ZNF609: variants seen among roughly 807,000 people sequenced by gnomAD.
ZNF609 encodes zinc finger protein 609.
ZNF609 carries 11 observed loss-of-function variants against 109.5 expected under a neutral mutation model. The ratio of observed to expected loss-of-function variants is 0.10; its 90% CI spans 0.06 to 0.17. The LOEUF (loss-of-function observed/expected upper bound fraction) is 0.17. Among genes scored for constraint, ZNF609 ranks in the 10% least tolerant of loss-of-function variants. The pLI is 1.00. For synonymous variants in ZNF609, 646 were observed against 662.0 expected (o/e 0.98, Z 0.37); for missense variants, 1,559 against 1,772.4 (o/e 0.88, Z 2.16).
At chr15:64,554,098 C>T (rs1206330861) in intron 2 of ZNF609, among the ~76,000 whole-genome samples, 1 of 152,082 alleles carries the variant, frequency 6.6e-6, no homozygotes, top group Non-Finnish European at 1.5e-5. Context: ...CTCAATAGAA[C>T]CTCTATTACT....
At chr15:64,468,899 G>A (rs895747955) in intron 1 of ZNF609, among the ~76,000 whole-genome samples, 7 of 151,948 alleles carry the variant, frequency 4.6e-5, no homozygotes, top group Non-Finnish European at 7.4e-5. Context: ...GTTCCATTTA[G>A]CTGTAGAATA....
intron 3 of ZNF609, among the ~76,000 whole-genome samples, chr15:64,624,514 G>C (rs534857725): frequency 6.6e-6 from 1 of 151,928 alleles, no homozygotes; most frequent in African/African-American, 2.4e-5. Flanking sequence ...TTGCCTTTAT[G>C]ATGGTGACTC....
intron 2 of ZNF609, among the ~76,000 whole-genome samples, chr15:64,591,259 A>G (rs1895291437): frequency 6.6e-6 from 1 of 152,048 alleles, no homozygotes; most frequent in East Asian, 1.9e-4. Context: ...GAAACCCCGT[A>G]TCTACTAAAA....
intron 2 of ZNF609, among the ~76,000 whole-genome samples, chr15:64,562,006 A>G (rs577713895): frequency 2.9e-4 from 44 of 152,206 alleles, no homozygotes; most frequent in Non-Finnish European, 6.0e-4. Context: ...GATATATTTT[A>G]TAATGTACCA....
In ZNF609 at chr15:64,678,594, A is replaced by AT. The variant is rs765509367; in HGVS notation, c.3769+113dup. On this transcript the variant is annotated intron_variant, in intron 6 of 9. Coordinates refer to ENST00000326648, the MANE Select transcript of ZNF609 (RefSeq NM_015042.2). Reference sequence around the variant, plus strand: ...CCAAGGCATATTGAGGCTCGCTTAGATGACGGACCTTTTTTCACTGAGTCA... The same window carrying AT: ...CCAAGGCATATTGAGGCTCGCTTAGATTGACGGACCTTTTTTCACTGAGTCA... The AT allele has an allele frequency of 1.5e-4, 215 of 1,446,636 alleles. No individual in the cohort carries two copies. The Middle Eastern group carries it at 1.8e-3, about 12-fold the overall frequency. The allele number at this position is 1,446,636 out of a possible 1,614,324, so 89.6% of individuals were successfully genotyped here.
chr15:64,649,717 G>A (rs1330052230), intron 3 of ZNF609, among the ~76,000 whole-genome samples: 2 of 152,060 alleles, frequency 1.3e-5, no homozygotes, highest in Non-Finnish European at 2.9e-5. Flanking sequence ...TTTTTGCGGG[G>A]GAGGGGTTGC....
intron 2 of ZNF609, among the ~76,000 whole-genome samples, chr15:64,599,174 T>TG (rs1895452868): frequency 6.9e-6 from 1 of 145,692 alleles, no homozygotes; most frequent in African/African-American, 2.6e-5. Flanking sequence ...GGTGGTTTTT[T>TG]TTTTTTTTTT....
At chr15:64,500,329 A>G in intron 2 of ZNF609, 163 bp downstream of exon 2, 1 of 1,001,010 alleles carries the variant, frequency 1.0e-6, no homozygotes, top group South Asian at 1.4e-5. Context: ...TTTCTTCCAA[A>G]TTAGAGGATT....
intron 3 of ZNF609, among the ~76,000 whole-genome samples, chr15:64,645,083 TTCCCTCCC>T (rs1261279734): frequency 3.3e-5 from 2 of 60,016 alleles, no homozygotes; most frequent in South Asian, 1.0e-3. Context: ...CTTCCTTTCT[TTCCCTCCC>T]TCCCTCCCTC....
intron 2 of ZNF609, chr15:64,529,528 A>G: frequency 1.7e-6 from 2 of 1,170,506 alleles, no homozygotes; most frequent in Non-Finnish European, 1.3e-6. Context: ...AGAATCATAC[A>G]GGAACATGTA....
intron 1 of ZNF609, among the ~76,000 whole-genome samples, chr15:64,468,920 A>G (rs1893051710): frequency 6.6e-6 from 1 of 151,826 alleles, no homozygotes; most frequent in Non-Finnish European, 1.5e-5. Flanking sequence ...TCATGATACC[A>G]AGATTGAGAG....
chr15:64,559,961 C>G (rs1894650148), intron 2 of ZNF609, among the ~76,000 whole-genome samples: 1 of 152,092 alleles, frequency 6.6e-6, no homozygotes. Context: ...AAAATAGGAG[C>G]TTTTGTAGCT....
intron 2 of ZNF609, chr15:64,500,566 C>T (rs963823019): frequency 3.0e-5 from 18 of 604,346 alleles, no homozygotes; most frequent in Middle Eastern, 3.9e-4. Context: ...ATAAACAATA[C>T]GCCTTTGGTG....
intron 2 of ZNF609, among the ~76,000 whole-genome samples, chr15:64,546,191 A>T (rs1172102472): frequency 1.3e-5 from 2 of 152,114 alleles, no homozygotes; most frequent in East Asian, 3.8e-4. Flanking sequence ...TTTCTTTTCA[A>T]GTGGCTATAC....
chr15:64,549,252 G>A (rs949441975), intron 2 of ZNF609, among the ~76,000 whole-genome samples: 2 of 152,026 alleles, frequency 1.3e-5, no homozygotes, highest in African/African-American at 2.4e-5. Context: ...GTGCAATGGC[G>A]CAATCTTGGC....
chr15:64,465,835 G>T (rs1246134325), intron 1 of ZNF609, among the ~76,000 whole-genome samples: 1 of 151,916 alleles, frequency 6.6e-6, no homozygotes, highest in East Asian at 1.9e-4. Context: ...ACGGATATAG[G>T]CCGGGCGCAG....
intron 3 of ZNF609, among the ~76,000 whole-genome samples, chr15:64,662,728 C>T (rs1896597470): frequency 6.6e-6 from 1 of 152,016 alleles, no homozygotes; most frequent in Admixed American, 6.6e-5. Flanking sequence ...TGCAGTGGCG[C>T]GATCTCGGAT....
chr15:64,468,023 C>A (rs202168074), intron 1 of ZNF609, among the ~76,000 whole-genome samples: 1 of 106,928 alleles, frequency 9.4e-6, no homozygotes, highest in African/African-American at 3.5e-5. Context: ...TTTTTTTTTT[C>A]TTTTTTGAGG....
intron 2 of ZNF609, among the ~76,000 whole-genome samples, chr15:64,601,566 T>C (rs947120389): frequency 2.6e-5 from 4 of 152,242 alleles, no homozygotes; most frequent in African/African-American, 9.6e-5. Context: ...AGAGGACTAC[T>C]AAATAATAAG....
Sources: allele counts gnomAD v4.1 joint callset (sites outside exome capture counted in the v4.1 genomes callset), GRCh38; gene constraint gnomAD v4.1.1; transcripts MANE v1.5; gene names NCBI Gene and HGNC (gene_info 2026-07-23, HGNC 2026-07-21).